MANBA: variants seen among roughly 807,000 people sequenced by gnomAD.
MANBA encodes the protein beta-mannosidase.
MANBA carries 83 observed loss-of-function variants against 111.1 expected under a neutral mutation model. That is an observed-to-expected ratio of 0.75 (90% CI 0.63 to 0.90). MANBA has a LOEUF of 0.90. Ranked by LOEUF, MANBA falls within the 40% of genes least tolerant of loss-of-function variation. The pLI is 0.00. For missense variants in MANBA, 1,036 were observed against 1,069.0 expected, an observed-to-expected ratio of 0.97 and a Z score of 0.43; for synonymous variants, 370 against 378.7, an observed-to-expected ratio of 0.98 and a Z score of 0.27.
chr4:102,751,781 G>A, intron 1 of MANBA: 1 of 522,302 alleles, frequency 1.9e-6, no homozygotes, highest in South Asian at 1.4e-5. Flanking sequence ...TCCGGTCCTT[G>A]GAAAGAAAGT....
Position 102,657,692 on chromosome 4 carries a change from G to C in MANBA, c.1694C>G (p.Thr565Arg). The C allele has an allele frequency of 6.2e-7, 1 of 1,608,198 alleles. No individual in the cohort carries two copies. Among genetic ancestry groups the C allele is most frequent in the Non-Finnish European group, 8.5e-7 (1 of 1,174,656 alleles). ...CAAACGATGACTTACCTTTTCTAATGTACTGAAGGACGGCCAGGACTGATA... is the reference window on the plus strand; with the variant it reads ...CAAACGATGACTTACCTTTTCTAATCTACTGAAGGACGGCCAGGACTGATA... ...YGYQSWPSFS[T>R]LEKVSSTEDW... is the part of the protein sequence containing the mutation. The change falls in exon 12 of 17, where the codon ACA (threonine) becomes AGA (arginine). Residue 565 changes from threonine to arginine, a missense_variant. Transcript: ENST00000647097.
intron 7 of MANBA, among the ~76,000 whole-genome samples, chr4:102,680,011 T>C (rs1352856756): frequency 6.6e-6 from 1 of 152,206 alleles, no homozygotes; most frequent in Non-Finnish European, 1.5e-5. Context: ...CAGATACTAT[T>C]TGATTAATTG....
At chr4:102,716,935 C>T (rs1169616096) in intron 4 of MANBA, among the ~76,000 whole-genome samples, 1 of 152,154 alleles carries the variant, frequency 6.6e-6, no homozygotes, top group Non-Finnish European at 1.5e-5. Flanking sequence ...ACTAAAGTTA[C>T]TTTATAGCAT....
intron 14 of MANBA, among the ~76,000 whole-genome samples, chr4:102,638,879 T>C (rs973000756): frequency 6.6e-6 from 1 of 152,164 alleles, no homozygotes; most frequent in African/African-American, 2.4e-5. Context: ...GCCTCACCCC[T>C]GCACTCTAGC....
chr4:102,696,446 G>C (rs1293797426), intron 5 of MANBA, among the ~76,000 whole-genome samples: 1 of 152,172 alleles, frequency 6.6e-6, no homozygotes, highest in Non-Finnish European at 1.5e-5. Flanking sequence ...AACCTTGACA[G>C]GCATTATAAA....
chr4:102,727,455 G>A, intron 1 of MANBA: 1 of 1,430,012 alleles, frequency 7.0e-7, no homozygotes, highest in Non-Finnish European at 9.9e-7. Context: ...GGGTCTCAGA[G>A]CACTCCATCT....
intron 1 of MANBA, chr4:102,752,303 T>C (rs895316037): frequency 1.5e-6 from 2 of 1,363,046 alleles, no homozygotes; most frequent in Non-Finnish European, 2.1e-6. Context: ...ATTCTCCAAC[T>C]TTGTAAACGT....
rs150218398 is a variant in MANBA, at chr4:102,650,696, C to T, written c.1710G>A (p.Ser570=). 37 of 1,611,066 alleles carry T rather than the reference C, an allele frequency of 2.3e-5. No homozygotes were observed. The highest frequency in any genetic ancestry group is 8.9e-5 in the East Asian group (4 of 44,870). The part of the protein sequence containing the change: ...WPSFSTLEKV[S]STEDWSFNSK... Reference sequence around the variant, plus strand: ...TATTGAAAGACCAGTCCTCTGTAGACGAGACCTTTCAAATAAAGAATAAGA... The same window carrying T: ...TATTGAAAGACCAGTCCTCTGTAGATGAGACCTTTCAAATAAAGAATAAGA... The change falls in exon 13 of 17, where the codon TCG becomes TCA. Residue 570 remains serine, a synonymous_variant. Transcript: ENST00000647097.
Position 102,689,602 on chromosome 4 carries a change from C to T in MANBA, c.932G>A (p.Gly311Glu), listed in dbSNP as rs766259976. 2 of 1,606,580 alleles carry T rather than the reference C, an allele frequency of 1.2e-6. No homozygotes were observed. Among genetic ancestry groups the T allele is most frequent in the South Asian group, 1.1e-5 (1 of 90,378 alleles). ...AGCTGATTTTTCAATATTTAAGCCT[C>T]CATCCAGTTCAAAAAGAACAGTCAT... The part of the protein sequence containing the change: ...YNMTVLFELD[G>E]GLNIEKSAKV... The change falls in exon 7 of 17, where the codon GGA becomes GAA. Residue 311 changes from glycine to glutamate, a missense_variant. Gly to Glu is a moderately conservative substitution (Grantham distance 98). Transcript: ENST00000647097.
At chr4:102,634,045 A>T (rs1332507494) in intron 16 of MANBA, among the ~76,000 whole-genome samples, 1 of 152,240 alleles carries the variant, frequency 6.6e-6, no homozygotes, top group African/African-American at 2.4e-5. Flanking sequence ...TTCTAGAAAG[A>T]TATTTCCTGA....
intron 5 of MANBA, among the ~76,000 whole-genome samples, chr4:102,698,223 T>C (rs1396929143): frequency 2.0e-5 from 3 of 152,174 alleles, no homozygotes; most frequent in Non-Finnish European, 4.4e-5. Flanking sequence ...TTCTTGTAAA[T>C]TTGTTTGAGT....
At chr4:102,683,874 C>G (rs866172960) in intron 7 of MANBA, among the ~76,000 whole-genome samples, 1 of 152,100 alleles carries the variant, frequency 6.6e-6, no homozygotes, top group Non-Finnish European at 1.5e-5. Context: ...TATTACCTCC[C>G]TTCTTGCTTA....
At chr4:102,684,098 TATACTC>T (rs1475627586) in intron 7 of MANBA, among the ~76,000 whole-genome samples, 2 of 149,498 alleles carry the variant, frequency 1.3e-5, no homozygotes, top group Non-Finnish European at 3.0e-5. Context: ...TGTCTCCTGA[TATACTC>T]AGTTAAAAAA....
intron 6 of MANBA, 126 bp downstream of exon 6, chr4:102,690,470 A>G: frequency 1.1e-6 from 1 of 884,546 alleles, no homozygotes; most frequent in Non-Finnish European, 1.8e-6. Flanking sequence ...AAAATAGAGA[A>G]GAAAATGACA....
At chr4:102,692,408 C>T (rs1015783549) in intron 5 of MANBA, among the ~76,000 whole-genome samples, 21 of 152,076 alleles carry the variant, frequency 1.4e-4, no homozygotes, top group East Asian at 7.7e-4. Flanking sequence ...GTTTTATATA[C>T]GCGCAGTATG....
chr4:102,719,428 A>G (rs1253529174), intron 4 of MANBA, among the ~76,000 whole-genome samples: 1 of 152,116 alleles, frequency 6.6e-6, no homozygotes, highest in Non-Finnish European at 1.5e-5. Flanking sequence ...TCAAACACAC[A>G]TTTTACAATC....
chr4:102,698,161 G>A (rs1203947320), intron 5 of MANBA, among the ~76,000 whole-genome samples: 1 of 152,150 alleles, frequency 6.6e-6, no homozygotes, highest in East Asian at 1.9e-4. Context: ...CTTCTTTTGA[G>A]AAGTGTCTGT....
chr4:102,639,586 A>T, intron 14 of MANBA, 127 bp downstream of exon 14: 1 of 1,311,428 alleles, frequency 7.6e-7, no homozygotes, highest in Non-Finnish European at 1.1e-6. Flanking sequence ...CAGGCTTTTT[A>T]AAGAATGACT....
intron 1 of MANBA, chr4:102,752,453 T>C (rs768271530): frequency 3.8e-6 from 3 of 780,518 alleles, no homozygotes; most frequent in Admixed American, 1.7e-5. Context: ...GAACAGCAAC[T>C]GATTTCAGGA....
Sources: allele counts gnomAD v4.1 joint callset (sites outside exome capture counted in the v4.1 genomes callset), GRCh38; gene constraint gnomAD v4.1.1; transcripts MANE v1.5; gene names NCBI Gene and HGNC (gene_info 2026-07-23, HGNC 2026-07-21).